SHQ1: variants seen among roughly 807,000 people sequenced by gnomAD.
The protein encoded by SHQ1 is SHQ1, H/ACA ribonucleoprotein assembly factor, also known as protein SHQ1 homolog.
In SHQ1, 49 loss-of-function variants were observed where a neutral mutation model predicts 53.8. That is an observed-to-expected ratio of 0.91 (90% CI 0.72 to 1.16). SHQ1 has a LOEUF of 1.16. Among genes scored for constraint, SHQ1 ranks in the 50% most tolerant of loss-of-function variants. SHQ1 has a pLI of 0.00. For missense variants in SHQ1, 738 were observed against 683.1 expected, an observed-to-expected ratio of 1.08 and a Z score of -0.90; for synonymous variants, 243 against 251.0, an observed-to-expected ratio of 0.97 and a Z score of 0.30.
At chr3:72,785,005 G>C (rs1203808679) in intron 10 of SHQ1, among the ~76,000 whole-genome samples, 1 of 152,164 alleles carries the variant, frequency 6.6e-6, no homozygotes, top group African/African-American at 2.4e-5. Flanking sequence ...AACTGGACCA[G>C]GAAAACACAC....
intron 10 of SHQ1, among the ~76,000 whole-genome samples, chr3:72,769,646 G>A (rs1705803772): frequency 6.6e-6 from 1 of 152,154 alleles, no homozygotes; most frequent in Non-Finnish European, 1.5e-5. Flanking sequence ...GACCAGCCTG[G>A]CCTCCTCTTC....
intron 5 of SHQ1, among the ~76,000 whole-genome samples, chr3:72,825,959 A>C (rs1707640932): frequency 6.6e-6 from 1 of 152,180 alleles, no homozygotes; most frequent in South Asian, 2.1e-4. Flanking sequence ...TTGAATCCTC[A>C]CACCATCACT....
chr3:72,835,103 CTTCT>C (rs1314064968), intron 4 of SHQ1, among the ~76,000 whole-genome samples: 1 of 147,474 alleles, frequency 6.8e-6, no homozygotes, highest in African/African-American at 2.6e-5. Context: ...CCTCCATCAG[CTTCT>C]TTTTTTTTTT....
the SHQ1 span, among the ~76,000 whole-genome samples, chr3:72,730,813 C>G: frequency 6.6e-6 from 1 of 152,030 alleles, no homozygotes; most frequent in Non-Finnish European, 1.5e-5. Flanking sequence ...TTCCTCCCTT[C>G]TTCCTTCCAT....
At chr3:72,773,122 A>G (rs934293114) in intron 10 of SHQ1, 9 of 766,804 alleles carry the variant, frequency 1.2e-5, no homozygotes, top group Non-Finnish European at 1.9e-5. Context: ...AATTGAGCTC[A>G]AAGTCATGAA....
chr3:72,771,222 C>T (rs1705843532), intron 10 of SHQ1, among the ~76,000 whole-genome samples: 1 of 152,192 alleles, frequency 6.6e-6, no homozygotes, highest in Admixed American at 6.5e-5. Flanking sequence ...AGTTCCACAG[C>T]GCCTAACCTT....
At chr3:72,835,614 T>C (rs1707970038) in intron 4 of SHQ1, among the ~76,000 whole-genome samples, 1 of 152,198 alleles carries the variant, frequency 6.6e-6, no homozygotes, top group Admixed American at 6.5e-5. Flanking sequence ...AAACTCTAAC[T>C]GCGCTGAGAG....
intron 10 of SHQ1, among the ~76,000 whole-genome samples, chr3:72,757,379 T>TC (rs1288394834): frequency 3.4e-5 from 5 of 144,966 alleles, no homozygotes; most frequent in African/African-American, 1.3e-4. Context: ...TTCTTCTCTT[T>TC]CCTTTTTTTT....
intron 5 of SHQ1, among the ~76,000 whole-genome samples, chr3:72,827,908 C>T (rs1039687670): frequency 6.6e-6 from 1 of 151,996 alleles, no homozygotes; most frequent in African/African-American, 2.4e-5. Context: ...GCGCCCGCCA[C>T]CATGCCCAGC....
the SHQ1 span, among the ~76,000 whole-genome samples, chr3:72,737,137 G>A: frequency 6.6e-6 from 1 of 151,960 alleles, no homozygotes; most frequent in East Asian, 1.9e-4. Flanking sequence ...TATTAGCCGG[G>A]TGTGCTGGGG....
chr3:72,821,953 T>A (rs570378890), intron 6 of SHQ1, among the ~76,000 whole-genome samples: 17 of 152,348 alleles, frequency 1.1e-4, no homozygotes, highest in African/African-American at 4.1e-4. Context: ...TCTAAATGTA[T>A]AAAAATTGTA....
At chr3:72,764,226 G>A (rs1705669491) in intron 10 of SHQ1, among the ~76,000 whole-genome samples, 1 of 152,086 alleles carries the variant, frequency 6.6e-6, no homozygotes, top group Non-Finnish European at 1.5e-5. Context: ...ACAAGTAGAA[G>A]AGGTGGAGTG....
chr3:72,811,534 C>T (rs566498023), intron 9 of SHQ1, among the ~76,000 whole-genome samples: 18 of 152,140 alleles, frequency 1.2e-4, no homozygotes, highest in Non-Finnish European at 2.1e-4. Context: ...ATCCTATAAT[C>T]AACAATCCTT....
chr3:72,844,590 C>A, intron 1 of SHQ1, 167 bp from the exon 2 acceptor site: 1 of 673,426 alleles, frequency 1.5e-6, no homozygotes, highest in South Asian at 1.7e-5. Context: ...TTTCCCCAAC[C>A]AAGAAAGTAG....
At chr3:72,751,770 T>C (rs1705388214) in intron 10 of SHQ1, among the ~76,000 whole-genome samples, 1 of 152,082 alleles carries the variant, frequency 6.6e-6, no homozygotes, top group South Asian at 2.1e-4. Context: ...ATTATTCTGT[T>C]AACAAGACTG....
At position 72,797,504 on chromosome 3, in the gene SHQ1, AC is replaced by A. The variant is rs377594586; in HGVS notation, c.1061-4469del. 6.0e-4 allele frequency among the ~76,000 whole-genome samples: 92 copies of A among 152,320 alleles called. 2 individuals are homozygous for A. In the South Asian group the frequency reaches 0.019, roughly 31 times the overall value. The stretch of plus-strand genomic sequence containing the variant: ...AAGACATGTTCAACTACACAGCCAA[AC>A]CCTGAAAAATTGACAAATGAAGGTT... On this transcript the variant is annotated intron_variant, in intron 9 of 10. Coordinates refer to ENST00000325599, the MANE Select transcript of SHQ1 (RefSeq NM_018130.3).
intron 10 of SHQ1, chr3:72,753,551 G>T (rs1055859929): frequency 7.1e-6 from 7 of 985,218 alleles, no homozygotes; most frequent in Non-Finnish European, 8.4e-6. Flanking sequence ...AAGGGTGAGC[G>T]GGAGGCACAG....
Position 72,848,295 on chromosome 3 carries a change from T to A in SHQ1, c.46A>T (p.Thr16Ser). The change falls in exon 1 of 11, where the codon ACT (threonine) becomes TCT (serine). Residue 16 changes from threonine (T) to serine (S), a missense_variant. Transcript: ENST00000325599. Reference protein sequence around the residue: ...FDLSQDPDFLTIAIRVPYARV... With the variant: ...FDLSQDPDFLSIAIRVPYARV... ...GCGTAGGGCACGCGGATGGCGATAGTCAGGAAGTCCGGATCCTGGCTGAGG... is the reference window on the plus strand; with the variant it reads ...GCGTAGGGCACGCGGATGGCGATAGACAGGAAGTCCGGATCCTGGCTGAGG... 1 of 1,614,036 alleles carries A rather than the reference T, an allele frequency of 6.2e-7. No homozygotes were observed.
chr3:72,736,111 A>C, the SHQ1 span, among the ~76,000 whole-genome samples: 18 of 151,342 alleles, frequency 1.2e-4, no homozygotes, highest in Non-Finnish European at 2.2e-4. Context: ...ACACCTGCTT[A>C]TTGCTGAACC....
Sources: allele counts gnomAD v4.1 joint callset (sites outside exome capture counted in the v4.1 genomes callset), GRCh38; gene constraint gnomAD v4.1.1; transcripts MANE v1.5; gene names NCBI Gene and HGNC (gene_info 2026-07-23, HGNC 2026-07-21).